The following DIAPH2 variants were observed in gnomAD, a reference collection of about 807,000 sequenced individuals.
DIAPH2 encodes protein diaphanous homolog 2.
In DIAPH2, 35 loss-of-function variants were observed where a neutral mutation model predicts 92.7. The ratio of observed to expected loss-of-function variants is 0.38; its 90% CI spans 0.29 to 0.50. The LOEUF is 0.50. Ranked by LOEUF, DIAPH2 falls within the 20% of genes least tolerant of loss-of-function variation. DIAPH2 has a pLI of 0.94. For missense variants in DIAPH2, 701 were observed against 819.5 expected, an observed-to-expected ratio of 0.86 and a Z score of 1.77; for synonymous variants, 301 against 280.4, an observed-to-expected ratio of 1.07 and a Z score of -0.73.
chrX:96,917,161 C>T (rs932989313), intron 8 of DIAPH2, among the ~76,000 whole-genome samples: 2 of 111,322 alleles, frequency 1.8e-5, no homozygotes, highest in African/African-American at 6.5e-5. Context: ...AGCAAACTTT[C>T]AGATTTGATG....
At chrX:97,365,026 A>T (rs1602537788) in intron 24 of DIAPH2, among the ~76,000 whole-genome samples, 2 of 110,496 alleles carry the variant, frequency 1.8e-5, no homozygotes, top group Admixed American at 1.9e-4. Context: ...ACTTTCTCCC[A>T]TATTCTCTTT....
intron 21 of DIAPH2, among the ~76,000 whole-genome samples, chrX:97,132,636 A>G (rs898904138): frequency 9.0e-6 from 1 of 111,679 alleles, no homozygotes; most frequent in African/African-American, 3.3e-5. Flanking sequence ...CTGTTTTGAT[A>G]TGTGCACTGG....
intron 25 of DIAPH2, among the ~76,000 whole-genome samples, chrX:97,401,800 G>A (rs1003170713): frequency 8.9e-6 from 1 of 112,462 alleles, no homozygotes; most frequent in African/African-American, 3.2e-5. Flanking sequence ...TGTGGCAACT[G>A]AGTTACTCCA....
chrX:97,037,778 T>C (rs1021827274), intron 17 of DIAPH2, among the ~76,000 whole-genome samples: 9 of 111,806 alleles, frequency 8.0e-5, no homozygotes, highest in African/African-American at 2.9e-4. Flanking sequence ...TCTTGGAACA[T>C]AAACTAATAT....
At chrX:97,229,759 A>G (rs7066182) in intron 22 of DIAPH2, among the ~76,000 whole-genome samples, 2,141 of 106,829 alleles carry the variant, frequency 0.02, 57 homozygotes, top group African/African-American at 0.069. Context: ...TTGGGCTTAT[A>G]TATAATAACA....
At position 96,916,423 on chromosome X, in the gene DIAPH2, T is replaced by G; in HGVS notation, c.733-15T>G. The G allele has an allele frequency of 9.3e-7, 1 of 1,078,984 alleles. No individual in the cohort carries two copies. 88.9% of individuals were successfully genotyped at this position (1,078,984 alleles called of 1,213,427 possible). A position where few individuals can be genotyped will look rare whatever the true frequency, so the allele number is the denominator to read the frequency against. On this transcript the variant is annotated splice_polypyrimidine_tract_variant and intron_variant, in intron 7 of 26. Transcript: ENST00000324765. ...ATAGACATTCTGAATGAAGGTTTTT[T>G]TTTTTTTTTTTTAGTTTGGATTACA...
rs1019949538 is a variant in DIAPH2 at position 97,258,488 on chromosome X, G to A, written c.2844+10649G>A. 9.6e-4 allele frequency among the ~76,000 whole-genome samples: 106 copies of A among 110,229 alleles called. 1 individual carries two copies. The highest frequency in any genetic ancestry group is 7.0e-4 in the Non-Finnish European group (37 of 52,722). ...CTCGGGAGGCTGAGGCAGGAGAACC[G>A]CCTGAACCCAGGAGGTGGAGGTTGC... On this transcript the variant is annotated intron_variant, in intron 23 of 26. Coordinates refer to ENST00000324765, the MANE Select transcript of DIAPH2 (RefSeq NM_006729.5).
chrX:97,156,463 CT>C (rs1337387261), intron 22 of DIAPH2, among the ~76,000 whole-genome samples: 1 of 112,092 alleles, frequency 8.9e-6, no homozygotes, highest in Non-Finnish European at 1.9e-5. Flanking sequence ...ATTGCTTAGC[CT>C]TAAAAGACAT....
chrX:97,067,600 A>C (rs974476965), intron 17 of DIAPH2, among the ~76,000 whole-genome samples: 15 of 111,819 alleles, frequency 1.3e-4, no homozygotes, highest in South Asian at 3.7e-4. Context: ...TAACTGGTGA[A>C]TATCTAGTCT....
At chrX:97,202,989 T>A (rs1330539992) in intron 22 of DIAPH2, among the ~76,000 whole-genome samples, 1 of 111,919 alleles carries the variant, frequency 8.9e-6, no homozygotes, top group African/African-American at 3.3e-5. Context: ...CACAGTGCAA[T>A]CAAATTAGAA....
intron 21 of DIAPH2, among the ~76,000 whole-genome samples, chrX:97,121,003 C>G (rs1474198352): frequency 8.9e-6 from 1 of 112,104 alleles, no homozygotes; most frequent in Non-Finnish European, 1.9e-5. Flanking sequence ...AAAGAATCTA[C>G]AAAAGACCTT....
At chrX:97,465,272 C>CA (rs1569404523) in intron 26 of DIAPH2, among the ~76,000 whole-genome samples, 4,794 of 110,475 alleles carry the variant, frequency 0.043, 268 homozygotes, top group African/African-American at 0.15. Flanking sequence ...TTAGAATTCA[C>CA]CCACACACAC....
chrX:96,820,887 G>C (rs1420626749), intron 4 of DIAPH2, among the ~76,000 whole-genome samples: 1 of 112,088 alleles, frequency 8.9e-6, no homozygotes, highest in Non-Finnish European at 1.9e-5. Context: ...CTTAGAAAAG[G>C]CTTTCCTGAT....
intron 5 of DIAPH2, among the ~76,000 whole-genome samples, chrX:96,894,186 T>C (rs952684820): frequency 2.7e-5 from 3 of 111,535 alleles, no homozygotes; most frequent in Admixed American, 9.5e-5. Flanking sequence ...TCCAGTGTTA[T>C]TGAACATATG....
At chrX:97,072,783 T>A (rs1337179516) in intron 17 of DIAPH2, among the ~76,000 whole-genome samples, 158 bp from the exon 18 acceptor site, 1 of 112,283 alleles carries the variant, frequency 8.9e-6, no homozygotes, top group Non-Finnish European at 1.9e-5. Context: ...AACAACTCTG[T>A]ATTTTTATGT....
At chrX:97,418,207 C>A (rs1299766285) in intron 25 of DIAPH2, among the ~76,000 whole-genome samples, 3 of 112,389 alleles carry the variant, frequency 2.7e-5, no homozygotes, top group Admixed American at 9.4e-5. Context: ...GTTTTGCCTT[C>A]CTGCAGTTAT....
At chrX:97,432,662 T>G (rs1336604433) in intron 26 of DIAPH2, among the ~76,000 whole-genome samples, 14 of 111,180 alleles carry the variant, frequency 1.3e-4, no homozygotes, top group Non-Finnish European at 3.8e-5. Flanking sequence ...AGTTTTTGTA[T>G]TTTTAGTAGA....
At chrX:97,350,176 G>A (rs1396749760) in intron 24 of DIAPH2, among the ~76,000 whole-genome samples, 1 of 110,334 alleles carries the variant, frequency 9.1e-6, no homozygotes, top group Admixed American at 9.7e-5. Context: ...CGGTCGTGGT[G>A]GCGGGTGCCT....
At chrX:97,523,610 C>G (rs1830393119) in intron 26 of DIAPH2, among the ~76,000 whole-genome samples, 1 of 111,409 alleles carries the variant, frequency 9.0e-6, no homozygotes, top group Non-Finnish European at 1.9e-5. Context: ...CCCACCACCT[C>G]TTTTGGGCAA....
Sources: allele counts gnomAD v4.1 joint callset (sites outside exome capture counted in the v4.1 genomes callset), GRCh38; gene constraint gnomAD v4.1.1; transcripts MANE v1.5; gene names NCBI Gene and HGNC (gene_info 2026-07-23, HGNC 2026-07-21).